Variants in OSBPL2 observed in about 807,000 individuals in gnomAD.
The protein encoded by OSBPL2 is oxysterol binding protein like 2.
Under a neutral mutation model 58.4 loss-of-function variants are expected in OSBPL2, and 18 were observed. That is an observed-to-expected ratio of 0.31 (90% CI 0.21 to 0.46). OSBPL2 has a LOEUF of 0.46. Ranked by LOEUF, OSBPL2 falls within the 20% of genes least tolerant of loss-of-function variation. The pLI, the probability that OSBPL2 is intolerant of heterozygous loss-of-function variation, is 1.00. For missense variants in OSBPL2, 461 were observed against 616.5 expected (o/e 0.75, Z 2.67); for synonymous variants, 221 against 234.1 (o/e 0.94, Z 0.51).
chr20:62,268,974 T>C (rs1431457483), intron 4 of OSBPL2, among the ~76,000 whole-genome samples: 1 of 152,108 alleles, frequency 6.6e-6, no homozygotes, highest in Non-Finnish European at 1.5e-5. Flanking sequence ...GGCGAATCGC[T>C]TGAACCCAGG....
intron 1 of OSBPL2, among the ~76,000 whole-genome samples, chr20:62,247,323 G>C (rs943158754): frequency 6.6e-6 from 1 of 152,232 alleles, no homozygotes; most frequent in Admixed American, 6.5e-5. Context: ...TTGCTCTGTG[G>C]TTGTGCTGGA....
intron 4 of OSBPL2, among the ~76,000 whole-genome samples, chr20:62,271,918 A>G (rs936964131): frequency 2.0e-5 from 3 of 152,168 alleles, no homozygotes; most frequent in Non-Finnish European, 4.4e-5. Flanking sequence ...CAGGCTCAGC[A>G]CAGATTGTGT....
At chr20:62,276,026 T>C (rs1057157828) in intron 6 of OSBPL2, among the ~76,000 whole-genome samples, 4 of 151,918 alleles carry the variant, frequency 2.6e-5, no homozygotes, top group African/African-American at 9.7e-5. Flanking sequence ...CTCCTGATTC[T>C]CCGCCTCAGC....
rs771104869 is a variant in OSBPL2 at position 62,263,704 on chromosome 20, G to C, written c.258+13G>C. The C allele has an allele frequency of 9.9e-6, 16 of 1,611,522 alleles. No homozygotes were observed. The highest frequency in any genetic ancestry group is 8.8e-5 in the South Asian group (8 of 91,028). ...GTGTGTTGGCCTGGTGAGTCCGGGG[G>C]CCCGTGTTCACACATGGGGCTGCAC... On this transcript the variant is annotated intron_variant, in intron 4 of 13. Transcript: ENST00000313733.
rs1981198157 is a variant in OSBPL2 at position 62,260,074 on chromosome 20, T to C, written c.131T>C (p.Ile44Thr). 18 of 1,613,586 alleles carry C rather than the reference T, an allele frequency of 1.1e-5. No individual in the cohort carries two copies. Among genetic ancestry groups the C allele is most frequent in the Non-Finnish European group, 1.4e-5 (17 of 1,179,814 alleles). Residue 44 changes from isoleucine (I) to threonine (T), a missense_variant, in exon 3 of 14, where the codon ATT becomes ACT. By Grantham distance (89) the Ile-to-Thr change is moderately conservative (BLOSUM62 -1). Coordinates refer to ENST00000313733, the MANE Select transcript of OSBPL2 (RefSeq NM_144498.4). Reference sequence around the variant, plus strand: ...TTAGACACCAGCAAAAATAATAGGATTGGGAAAACTGGGGAGAGGCCCTCT... The same window carrying C: ...TTAGACACCAGCAAAAATAATAGGACTGGGAAAACTGGGGAGAGGCCCTCT... ...IDLDTSKNNR[I>T]GKTGERPSQE...
In OSBPL2 at chr20:62,256,302, G is replaced by A. The variant is rs150500763; in HGVS notation, c.37+81G>A. On this transcript the variant is annotated intron_variant, in intron 2 of 13. Transcript: ENST00000313733. ...TCAGATGTTGGACCTGGCGTTTGGGGTGTAAAGATGCTCAGTAAAGCAGTG... is the reference window on the plus strand; with the variant it reads ...TCAGATGTTGGACCTGGCGTTTGGGATGTAAAGATGCTCAGTAAAGCAGTG... 90 of 1,282,352 alleles carry A rather than the reference G, an allele frequency of 7.0e-5. No homozygotes were observed. In the African/African-American group the frequency reaches 1.1e-3, roughly 15 times the overall value. The allele number at this position is 1,282,352 out of a possible 1,614,324, so 79.4% of individuals were successfully genotyped here. A position where few individuals can be genotyped will look rare whatever the true frequency, so the allele number is the denominator to read the frequency against.
At chr20:62,270,002 C>T (rs1482221934) in intron 4 of OSBPL2, among the ~76,000 whole-genome samples, 2 of 152,254 alleles carry the variant, frequency 1.3e-5, no homozygotes, top group Non-Finnish European at 2.9e-5. Flanking sequence ...AGCCTCGGTC[C>T]CTGCACTCGT....
intron 2 of OSBPL2, among the ~76,000 whole-genome samples, chr20:62,257,555 G>A (rs1981007692): frequency 1.3e-5 from 2 of 152,158 alleles, no homozygotes; most frequent in Admixed American, 1.3e-4. Flanking sequence ...ACAGCGGAGG[G>A]ATTGTCAGGC....
chr20:62,275,461 T>C (rs921593670), intron 6 of OSBPL2, among the ~76,000 whole-genome samples: 1 of 151,992 alleles, frequency 6.6e-6, no homozygotes, highest in African/African-American at 2.4e-5. Context: ...TTCAGTGACA[T>C]GATCACGGCT....
chr20:62,291,572 A>G, intron 12 of OSBPL2, 131 bp from the exon 13 acceptor site: 1 of 808,172 alleles, frequency 1.2e-6, no homozygotes, highest in Non-Finnish European at 2.1e-6. Context: ...TGGTCTCCCG[A>G]TCACAGAACC....
At position 62,273,687 on chromosome 20, in the gene OSBPL2, G is replaced by A. The variant is rs188034565; in HGVS notation, c.491+281G>A. 7.9e-5 allele frequency among the ~76,000 whole-genome samples: 12 copies of A among 151,936 alleles called. No individual in the cohort carries two copies. In the East Asian group the frequency reaches 2.1e-3, roughly 27 times the overall value. ...GATAGCGCGCACTGTAGACGCTTCC[G>A]TGTGTGTGTGCGACGTCTGTGAAAT... On this transcript the variant is annotated intron_variant, in intron 6 of 13. Coordinates refer to ENST00000313733, the MANE Select transcript of OSBPL2 (RefSeq NM_144498.4).
intron 1 of OSBPL2, among the ~76,000 whole-genome samples, chr20:62,250,876 G>T (rs914886958): frequency 2.6e-5 from 4 of 152,126 alleles, no homozygotes; most frequent in Admixed American, 1.3e-4. Context: ...AGTGAGCGGC[G>T]ATTGTGCCGC....
At chr20:62,281,659 GC>G in intron 8 of OSBPL2, 130 bp from the exon 9 acceptor site, 1 of 637,934 alleles carries the variant, frequency 1.6e-6, no homozygotes. Context: ...CGCCCCAAAG[GC>G]CCACCACACC....
chr20:62,287,200 T>C (rs1268574128), intron 11 of OSBPL2, among the ~76,000 whole-genome samples: 1 of 146,684 alleles, frequency 6.8e-6, no homozygotes, highest in African/African-American at 2.5e-5. Context: ...ATTAAATATA[T>C]GATAAACTAC....
In OSBPL2 at chr20:62,272,109, T is replaced by G. The variant is rs769131403; in HGVS notation, c.259-16T>G. On this transcript the variant is annotated splice_polypyrimidine_tract_variant and intron_variant, in intron 4 of 13. Coordinates refer to ENST00000313733, the MANE Select transcript of OSBPL2 (RefSeq NM_144498.4). ...GGAAGGCAGCAGTAACCAGCGAGTC[T>G]TCCCCATCTTTCCAGGAGCTGTCCA... is the stretch of plus-strand genomic sequence containing the variant. 6.2e-7 allele frequency: 1 copy of G among 1,613,476 alleles called. No individual in the cohort carries two copies. The highest frequency in any genetic ancestry group is 1.1e-5 in the South Asian group (1 of 91,076).
chr20:62,281,650 G>T, intron 8 of OSBPL2, 140 bp from the exon 9 acceptor site: 1 of 599,280 alleles, frequency 1.7e-6, no homozygotes, highest in Non-Finnish European at 3.1e-6. Flanking sequence ...CACTTCCATC[G>T]CCCCAAAGGC....
At chr20:62,281,338 G>A in intron 8 of OSBPL2, 173 bp downstream of exon 8, 1 of 584,982 alleles carries the variant, frequency 1.7e-6, no homozygotes, top group South Asian at 2.1e-5. Flanking sequence ...GACCGGTGTT[G>A]GCCATGAATG....
Position 62,286,618 on chromosome 20 carries a change from T to C in OSBPL2, c.1032T>C (p.Ala344=). 2 of 1,613,694 alleles carry C rather than the reference T, an allele frequency of 1.2e-6. No homozygotes were observed. The highest frequency in any genetic ancestry group is 1.7e-6 in the Non-Finnish European group (2 of 1,179,844). Residue 344 remains alanine (A), a synonymous_variant, in exon 11 of 14, where the codon GCT becomes GCC. Transcript: ENST00000313733. ...EDSGKADSDV[A]DDVPVAQETV... ...CCGGGAAGGCTGACAGCGACGTGGC[T>C]GACGACGTGCCTGTGGCCCAGGAGA...
chr20:62,261,834 C>T (rs1246436167), intron 3 of OSBPL2, among the ~76,000 whole-genome samples: 1 of 152,174 alleles, frequency 6.6e-6, no homozygotes, highest in Admixed American at 6.5e-5. Flanking sequence ...GGCGTGACCT[C>T]GGAAACCTCT....
Sources: gnomAD v4.1 joint callset for allele counts (sites outside exome capture counted in the v4.1 genomes callset) on GRCh38, gnomAD v4.1.1 for gene constraint, MANE v1.5 for transcripts, NCBI Gene and HGNC (gene_info 2026-07-23, HGNC 2026-07-21) for gene names.